Variants in DLGAP2 observed in about 807,000 individuals in gnomAD.
The protein encoded by DLGAP2 is disks large-associated protein 2.
DLGAP2 carries 26 observed loss-of-function variants against 100.3 expected under a neutral mutation model. The observed-to-expected ratio is 0.26, with a 90% CI of 0.19 to 0.36. DLGAP2 has a LOEUF of 0.36. Among genes scored for constraint, DLGAP2 ranks in the 10% least tolerant of loss-of-function variants. The probability of loss-of-function intolerance (pLI) is 1.00; values close to 1 mark genes in which losing one functional copy is unlikely to be tolerated. For missense variants in DLGAP2, 1,858 were observed against 1,453.2 expected, an observed-to-expected ratio of 1.28 and a Z score of -4.53; for synonymous variants, 886 against 630.1, an observed-to-expected ratio of 1.41 and a Z score of -6.08.
intron 3 of DLGAP2, among the ~76,000 whole-genome samples, chr8:1,434,478 T>C (rs569826390): frequency 1.3e-5 from 2 of 149,502 alleles, no homozygotes; most frequent in East Asian, 4.6e-4. Context: ...GCATTTTGGG[T>C]TTTGGGTTTT....
chr8:1,195,855 C>G (rs10503158), intron 2 of DLGAP2, among the ~76,000 whole-genome samples: 8,040 of 152,276 alleles, frequency 0.053, 646 homozygotes, highest in African/African-American at 0.17. Context: ...TGCGAAAACG[C>G]TTCCAAATGA....
intron 1 of DLGAP2, among the ~76,000 whole-genome samples, chr8:799,461 A>G (rs1425495176): frequency 6.6e-6 from 1 of 152,288 alleles, no homozygotes; most frequent in Middle Eastern, 3.4e-3. Flanking sequence ...GTTGGAAAAA[A>G]GGTTGGAAGT....
chr8:1,024,584 C>G (rs1428067204), intron 2 of DLGAP2, among the ~76,000 whole-genome samples: 1 of 152,200 alleles, frequency 6.6e-6, no homozygotes, highest in Non-Finnish European at 1.5e-5. Context: ...GGGGGTGCCT[C>G]CTTGCTTCCT....
chr8:1,583,726 C>T (rs1270638873), intron 6 of DLGAP2, among the ~76,000 whole-genome samples: 5 of 152,072 alleles, frequency 3.3e-5, no homozygotes, highest in African/African-American at 9.7e-5. Context: ...TAGCACCTCT[C>T]GGCCACCAGC....
At chr8:970,440 G>C (rs7010422) in intron 2 of DLGAP2, among the ~76,000 whole-genome samples, 62,782 of 152,088 alleles carry the variant, frequency 0.41, 13,453 homozygotes, top group Admixed American at 0.54. Context: ...CAGCCCACCA[G>C]TGCTTAAGGA....
chr8:1,541,298 A>G lies in DLGAP2; in HGVS notation c.173-7328A>G, dbSNP rs60706479. On this transcript the variant is annotated intron_variant, in intron 4 of 14. Transcript: ENST00000637795. The stretch of plus-strand genomic sequence containing the variant: ...GAGACCTCTGTTGGTAGTTTAAGAC[A>G]TTCTGCTAAGTATACAGCATGACTC... Among the ~76,000 whole-genome samples the G allele has an allele frequency of 4.2e-3, 642 of 152,344 alleles. 1 individual carries two copies. Among genetic ancestry groups the G allele is most frequent in the African/African-American group, 7.7e-3 (321 of 41,572 alleles).
intron 3 of DLGAP2, among the ~76,000 whole-genome samples, chr8:1,428,065 T>A (rs1369013727): frequency 1.3e-5 from 2 of 151,842 alleles, no homozygotes; most frequent in African/African-American, 4.8e-5. Flanking sequence ...ATGACTTACA[T>A]AGCAAAATGA....
Position 1,631,331 on chromosome 8 carries a change from G to C in DLGAP2, c.1591-1496G>C, listed in dbSNP as rs79058209. On this transcript the variant is annotated intron_variant, in intron 7 of 14. Transcript: ENST00000637795. ...TCGGGCTTACAGAAGGGTGTCCACT[G>C]AGGTGTACTAGGGCCTCACACAGGT... Among the ~76,000 whole-genome samples, 24 of 152,232 alleles carry C rather than the reference G, an allele frequency of 1.6e-4. No individual in the cohort carries two copies. The South Asian group carries it at 3.3e-3, about 21-fold the overall frequency.
At chr8:1,020,072 C>T (rs1223438221) in intron 2 of DLGAP2, among the ~76,000 whole-genome samples, 2 of 152,082 alleles carry the variant, frequency 1.3e-5, no homozygotes, top group Non-Finnish European at 2.9e-5. Flanking sequence ...ATTTGATGGC[C>T]ATTAAATAAT....
intron 1 of DLGAP2, among the ~76,000 whole-genome samples, chr8:901,637 A>G: frequency 6.6e-6 from 1 of 152,066 alleles, no homozygotes; most frequent in Middle Eastern, 3.2e-3. Context: ...ATGTGGAGTA[A>G]AGTTGTGCAG....
chr8:1,067,871 C>T (rs2129036623), intron 2 of DLGAP2, among the ~76,000 whole-genome samples: 1 of 152,112 alleles, frequency 6.6e-6, no homozygotes, highest in African/African-American at 2.4e-5. Context: ...CAGGTTTGGG[C>T]AGGTGTTTGA....
At chr8:1,171,494 C>G (rs1164174486) in intron 2 of DLGAP2, among the ~76,000 whole-genome samples, 1 of 151,734 alleles carries the variant, frequency 6.6e-6, no homozygotes, top group South Asian at 2.1e-4. Context: ...ATTAAAGTCT[C>G]CCATTATTAA....
chr8:1,599,069 T>G (rs4876100), intron 6 of DLGAP2, among the ~76,000 whole-genome samples: 66,066 of 151,882 alleles, frequency 0.43, 14,411 homozygotes, highest in African/African-American at 0.46. Context: ...ATGTTGTGTC[T>G]TTGTTATTGT....
intron 4 of DLGAP2, among the ~76,000 whole-genome samples, chr8:1,548,089 C>G (rs957813415): frequency 1.3e-5 from 2 of 152,154 alleles, no homozygotes; most frequent in Non-Finnish European, 2.9e-5. Flanking sequence ...GTTCAATCTA[C>G]TAGATGCTAA....
intron 2 of DLGAP2, among the ~76,000 whole-genome samples, chr8:1,131,832 A>AT (rs1288357946): frequency 6.6e-6 from 1 of 152,006 alleles, no homozygotes; most frequent in East Asian, 1.9e-4. Flanking sequence ...CATCTGAGTT[A>AT]TTTTTTCCTC....
In DLGAP2 at chr8:1,652,801, AGC is replaced by A. The variant is rs1186735808; in HGVS notation, c.1811-15527_1811-15526del. Among the ~76,000 whole-genome samples, 693 of 152,350 alleles carry A rather than the reference AGC, an allele frequency of 4.5e-3. 7 individuals carry two copies. Among genetic ancestry groups the A allele is most frequent in the African/African-American group, 0.015 (643 of 41,574 alleles). On this transcript the variant is annotated intron_variant, in intron 8 of 14. Transcript: ENST00000637795. ...ATGCGAGACAGACAGTAATGAGACC[AGC>A]TGGCGAACCAAAATGTTATGAGCAG...
At chr8:1,138,486 C>T (rs560284767) in intron 2 of DLGAP2, among the ~76,000 whole-genome samples, 6 of 152,312 alleles carry the variant, frequency 3.9e-5, no homozygotes, top group Middle Eastern at 3.4e-3. Flanking sequence ...CTCAGGTCCA[C>T]GGGGCCCTGA....
chr8:779,402 T>C (rs1244556492), intron 1 of DLGAP2, among the ~76,000 whole-genome samples: 2 of 152,030 alleles, frequency 1.3e-5, no homozygotes, highest in African/African-American at 4.8e-5. Flanking sequence ...GCACCTACAC[T>C]GGGGGCTCAA....
At chr8:961,582 C>T (rs1799726805) in intron 2 of DLGAP2, among the ~76,000 whole-genome samples, 1 of 152,072 alleles carries the variant, frequency 6.6e-6, no homozygotes, top group Admixed American at 6.5e-5. Flanking sequence ...ACAGTGGGAC[C>T]TGTCATTTCA....
Sources: allele counts gnomAD v4.1 joint callset (sites outside exome capture counted in the v4.1 genomes callset), GRCh38; gene constraint gnomAD v4.1.1; transcripts MANE v1.5; gene names NCBI Gene and HGNC (gene_info 2026-07-23, HGNC 2026-07-21).